The following AKAP13 variants were observed in gnomAD, a reference collection of about 807,000 sequenced individuals.
AKAP13 encodes the protein A-kinase anchoring protein 13, also known as A-kinase anchor protein 13.
A neutral mutation model predicts 264.5 loss-of-function variants in AKAP13; 80 were observed. The ratio of observed to expected loss-of-function variants is 0.30; its 90% CI spans 0.25 to 0.36. The LOEUF (loss-of-function observed/expected upper bound fraction) is 0.36, where lower values mean the gene tolerates loss of function less well. AKAP13 is among the 10% of genes least tolerant of loss of function. The pLI is 1.00. For missense variants in AKAP13, 3,712 were observed against 3,435.2 expected, an observed-to-expected ratio of 1.08 and a Z score of -2.01; for synonymous variants, 1,380 against 1,250.2, an observed-to-expected ratio of 1.10 and a Z score of -2.19.
intron 1 of AKAP13, among the ~76,000 whole-genome samples, chr15:85,386,779 A>G (rs1465629986): frequency 2.7e-5 from 4 of 150,640 alleles, no homozygotes. Context: ...TTTTTTTGCA[A>G]GTTGATCATA....
At chr15:85,709,511 T>C (rs1248106605) in intron 18 of AKAP13, among the ~76,000 whole-genome samples, 1 of 152,054 alleles carries the variant, frequency 6.6e-6, no homozygotes, top group African/African-American at 2.4e-5. Flanking sequence ...CCAGCTTGCT[T>C]CTGTCATTTG....
At chr15:85,546,380 T>G (rs1339032261) in intron 5 of AKAP13, among the ~76,000 whole-genome samples, 2 of 144,006 alleles carry the variant, frequency 1.4e-5, no homozygotes, top group Non-Finnish European at 3.1e-5. Flanking sequence ...GTAAACAACC[T>G]AGATGTCCAT....
At chr15:85,548,403 A>G (rs2077829701) in intron 5 of AKAP13, among the ~76,000 whole-genome samples, 1 of 152,184 alleles carries the variant, frequency 6.6e-6, no homozygotes, top group African/African-American at 2.4e-5. Flanking sequence ...AGGTGCATAA[A>G]TATTTCTTCT....
Position 85,744,709 on chromosome 15 carries a change from C to T in AKAP13, c.*32C>T. The T allele has an allele frequency of 6.4e-6, 10 of 1,572,768 alleles. No homozygotes were observed. The highest frequency in any genetic ancestry group is 8.6e-6 in the Non-Finnish European group (10 of 1,160,554). On this transcript the variant is annotated 3_prime_UTR_variant, in exon 37 of 37. Coordinates refer to ENST00000394518, the MANE Select transcript of AKAP13 (RefSeq NM_007200.5). ...TCCTCTCTGCTGAGGCAGCTGCCTC[C>T]TGATCCTGGCCAGCCCACCTCTCCT...
intron 1 of AKAP13, among the ~76,000 whole-genome samples, chr15:85,433,575 C>T (rs1225776451): frequency 6.6e-6 from 1 of 152,114 alleles, no homozygotes; most frequent in Non-Finnish European, 1.5e-5. Flanking sequence ...AAACCCAATT[C>T]TGGGGACTTC....
chr15:85,633,805 A>G (rs1194713312), intron 8 of AKAP13, among the ~76,000 whole-genome samples: 1 of 151,656 alleles, frequency 6.6e-6, no homozygotes, highest in Non-Finnish European at 1.5e-5. Context: ...CGGCCTCCCA[A>G]AGTGCTGGGA....
intron 8 of AKAP13, among the ~76,000 whole-genome samples, chr15:85,622,665 G>A (rs1382538): frequency 1.3e-5 from 2 of 152,112 alleles, no homozygotes; most frequent in Non-Finnish European, 2.9e-5. Flanking sequence ...CAGGCATATA[G>A]TGTTTACATT....
intron 1 of AKAP13, among the ~76,000 whole-genome samples, chr15:85,476,823 C>T (rs1258528502): frequency 1.3e-5 from 2 of 152,156 alleles, no homozygotes; most frequent in African/African-American, 2.4e-5. Context: ...AACTATTCAT[C>T]CAAGTGGCTT....
rs752240255 is a variant in AKAP13 at position 85,740,828 on chromosome 15, A to AT, written c.7609-216dup. On this transcript the variant is annotated intron_variant, in intron 34 of 36. Coordinates refer to ENST00000394518, the MANE Select transcript of AKAP13 (RefSeq NM_007200.5). ...CTGACTGCAAACAGCATGCAACCAG[A>AT]TTGACAAAAACCCGTGAGTTCCTGC... 2.0e-4 allele frequency among the ~76,000 whole-genome samples: 26 copies of AT among 131,388 alleles called. No homozygotes were observed. In the East Asian group the frequency reaches 6.0e-3, roughly 30 times the overall value. 86.2% of individuals were successfully genotyped at this position (131,388 alleles called of 152,430 possible). A position where few individuals can be genotyped will look rare whatever the true frequency, so the allele number is the denominator to read the frequency against.
chr15:85,668,126 T>C (rs2083706182), intron 13 of AKAP13, among the ~76,000 whole-genome samples: 1 of 152,238 alleles, frequency 6.6e-6, no homozygotes, highest in Non-Finnish European at 1.5e-5. Flanking sequence ...TAAAAGTCTC[T>C]GCCTTTCACT....
chr15:85,549,320 T>C (rs1409579764), intron 5 of AKAP13, among the ~76,000 whole-genome samples: 2 of 152,172 alleles, frequency 1.3e-5, no homozygotes, highest in Non-Finnish European at 2.9e-5. Flanking sequence ...TCCACCCTTA[T>C]AAGAAGAGTA....
At chr15:85,716,001 G>T in intron 20 of AKAP13, 78 bp downstream of exon 20, 13 of 1,290,698 alleles carry the variant, frequency 1.0e-5, no homozygotes, top group African/African-American at 1.6e-5. Flanking sequence ...ATGACAAAAA[G>T]CTTTTTTTTT....
At position 85,708,358 on chromosome 15, in the gene AKAP13, C is replaced by T. The variant is rs537435958; in HGVS notation, c.5532+272C>T. On this transcript the variant is annotated intron_variant, in intron 18 of 36. Coordinates refer to ENST00000394518, the MANE Select transcript of AKAP13 (RefSeq NM_007200.5). This position sits in a 1 kb window ranked among gnomAD's most constrained non-coding sequence, Gnocchi z 4.3. Reference sequence around the variant, plus strand: ...CATTTCTTCGTGATTTTAATATTTCCGTATTGCTCTTAAAGTGGTTTTCTT... The same window carrying T: ...CATTTCTTCGTGATTTTAATATTTCTGTATTGCTCTTAAAGTGGTTTTCTT... Among the ~76,000 whole-genome samples the T allele has an allele frequency of 1.3e-5, 2 of 152,202 alleles. No homozygotes were observed. The highest frequency in any genetic ancestry group is 1.9e-4 in the East Asian group (1 of 5,176).
At chr15:85,736,348 G>C (rs1597224014) in intron 33 of AKAP13, among the ~76,000 whole-genome samples, 1 of 152,140 alleles carries the variant, frequency 6.6e-6, no homozygotes, top group Non-Finnish European at 1.5e-5. Context: ...TTGCCAGTTA[G>C]AGAATTGCCT....
At chr15:85,650,084 A>T (rs561416713) in intron 10 of AKAP13, among the ~76,000 whole-genome samples, 122 of 152,278 alleles carry the variant, frequency 8.0e-4, no homozygotes, top group African/African-American at 2.8e-3. Context: ...CAGGTCCTTG[A>T]TCCCCAAGCC....
At chr15:85,606,512 A>G (rs2080348233) in intron 8 of AKAP13, among the ~76,000 whole-genome samples, 1 of 152,204 alleles carries the variant, frequency 6.6e-6, no homozygotes, top group Non-Finnish European at 1.5e-5. Context: ...ATCCAAAGAA[A>G]CAGGAGATGT....
At chr15:85,384,256 CT>C (rs1177914014) in intron 1 of AKAP13, among the ~76,000 whole-genome samples, 1 of 152,226 alleles carries the variant, frequency 6.6e-6, no homozygotes, top group Non-Finnish European at 1.5e-5. Context: ...GAAAGTTGGA[CT>C]TTTGATGTTC....
intron 3 of AKAP13, among the ~76,000 whole-genome samples, chr15:85,530,015 A>G (rs985790097): frequency 1.3e-5 from 2 of 152,030 alleles, no homozygotes; most frequent in East Asian, 1.9e-4. Flanking sequence ...TTTCATGGCT[A>G]TTTCTGACAT....
intron 10 of AKAP13, among the ~76,000 whole-genome samples, chr15:85,646,354 G>A: frequency 6.6e-6 from 1 of 152,110 alleles, no homozygotes; most frequent in East Asian, 1.9e-4. Context: ...TTGAACCCAG[G>A]AGGTGGAGGT....
Sources: allele counts gnomAD v4.1 joint callset (sites outside exome capture counted in the v4.1 genomes callset), GRCh38; gene constraint gnomAD v4.1.1; non-coding constraint Gnocchi (gnomAD v3.1); transcripts MANE v1.5; gene names NCBI Gene and HGNC (gene_info 2026-07-23, HGNC 2026-07-21).